Variants in NUP37 observed in about 807,000 individuals in gnomAD.
The protein encoded by NUP37 is nucleoporin 37.
Under a neutral mutation model 45.4 loss-of-function variants are expected in NUP37, and 33 were observed. The observed-to-expected ratio is 0.73, with a 90% CI of 0.55 to 0.97. The LOEUF is 0.97. Ranked by LOEUF, NUP37 falls within the 50% of genes least tolerant of loss-of-function variation. The pLI, the probability that NUP37 is intolerant of heterozygous loss-of-function variation, is 0.00. For synonymous variants in NUP37, 127 were observed against 130.7 expected, an observed-to-expected ratio of 0.97 and a Z score of 0.19; for missense variants, 365 against 389.7, an observed-to-expected ratio of 0.94 and a Z score of 0.53.
chr12:102,115,828 A>G, intron 2 of NUP37: 1 of 982,356 alleles, frequency 1.0e-6, no homozygotes, highest in Non-Finnish European at 1.2e-6. Context: ...TCTCAAGACA[A>G]GAGGCATGAA....
chr12:102,116,968 C>T (rs926209789), intron 2 of NUP37, among the ~76,000 whole-genome samples: 4 of 152,188 alleles, frequency 2.6e-5, no homozygotes, highest in Admixed American at 2.6e-4. Context: ...CACCACTGCA[C>T]TCCAGCCTGG....
At chr12:102,074,930 T>C (rs1879126097) in intron 9 of NUP37, 71 bp downstream of exon 9, 1 of 872,234 alleles carries the variant, frequency 1.1e-6, no homozygotes, top group South Asian at 2.2e-5. Context: ...TTTGGGGCTA[T>C]GAGTGGAAAA....
At position 102,075,044 on chromosome 12, in the gene NUP37, T is replaced by G; in HGVS notation, c.824A>C (p.Lys275Thr). The G allele has an allele frequency of 1.2e-6, 2 of 1,611,330 alleles. No homozygotes were observed. Among genetic ancestry groups the G allele is most frequent in the South Asian group, 2.2e-5 (2 of 90,680 alleles). The change falls in exon 9 of 10, where the codon AAA becomes ACA. Residue 275 changes from lysine (K) to threonine (T), a missense_variant. By Grantham distance (78) the Lys-to-Thr change is moderately conservative. Transcript: ENST00000552283. ...ATGAATTTGAAACTGGCTTGCCATT[T>G]TGCCAGGATAACCAGTGGTTGCAAA... is the stretch of plus-strand genomic sequence containing the variant. ...NLFATTGYPG[K>T]MASQFQIHHL... is the part of the protein sequence containing the mutation.
At chr12:102,091,047 C>G (rs182619200) in intron 5 of NUP37, among the ~76,000 whole-genome samples, 1 of 152,092 alleles carries the variant, frequency 6.6e-6, no homozygotes, top group Non-Finnish European at 1.5e-5. Flanking sequence ...TCAGTTATAA[C>G]CACAGAAGCA....
intron 2 of NUP37, among the ~76,000 whole-genome samples, chr12:102,113,113 A>C (rs996117072): frequency 6.6e-6 from 1 of 152,226 alleles, no homozygotes; most frequent in African/African-American, 2.4e-5. Context: ...TCCCATTACA[A>C]CATTGCAAAA....
intron 6 of NUP37, chr12:102,079,318 A>C (rs569939798): frequency 5.6e-5 from 25 of 445,468 alleles, no homozygotes; most frequent in African/African-American, 4.6e-4. Context: ...TAAACACATA[A>C]AACATCATTT....
At position 102,076,821 on chromosome 12, in the gene NUP37, T is replaced by C. The variant is rs763306109; in HGVS notation, c.749A>G (p.His250Arg). The C allele has an allele frequency of 5.6e-6, 9 of 1,613,384 alleles. No individual in the cohort carries two copies. The Middle Eastern group carries it at 1.2e-3, about 206-fold the overall frequency. Residue 250 changes from histidine to arginine, a missense_variant, in exon 8 of 10, where the codon CAC becomes CGC. Transcript: ENST00000552283. ...CCTGAATAAGCAGGCTCGATCCATG[T>C]GAACAGGTCTCTTATTTTGAGGATA... is the stretch of plus-strand genomic sequence containing the variant. ...SSYPQNKRPV[H>R]MDRACLFRWS...
At chr12:102,100,486 A>T (rs1193691814) in intron 4 of NUP37, among the ~76,000 whole-genome samples, 1 of 152,220 alleles carries the variant, frequency 6.6e-6, no homozygotes, top group Admixed American at 6.5e-5. Context: ...TTGCTCAGTC[A>T]ATGCTCATAA....
chr12:102,089,418 TTCCTCACTTCCGAGGCAC>T (rs1879576816), intron 5 of NUP37, among the ~76,000 whole-genome samples: 1 of 90,960 alleles, frequency 1.1e-5, no homozygotes, highest in Non-Finnish European at 2.2e-5. Flanking sequence ...GGCAGAGGCG[TTCCTCACTTCCGAGGCAC>T]TCCTCACTTC....
rs1331897578 is a variant in NUP37, at chr12:102,085,795, C to G, written c.511G>C (p.Val171Leu). 1 of 1,595,308 alleles carries G rather than the reference C, an allele frequency of 6.3e-7. No individual in the cohort carries two copies. Among genetic ancestry groups the G allele is most frequent in the South Asian group, 1.1e-5 (1 of 89,814 alleles). ...AAAGTCTCCTCAGGATGCCAGCACA[C>G]ACTCATGCCAGGAGAATGAAGAACA... ...HFVLHSPGMS[V>L]CWHPEETFKL... The change falls in exon 6 of 10, where the codon GTG becomes CTG. Residue 171 changes from valine (V) to leucine (L), a missense_variant. Coordinates refer to ENST00000552283, the MANE Select transcript of NUP37 (RefSeq NM_024057.4).
chr12:102,095,891 T>C (rs995468750), intron 5 of NUP37, among the ~76,000 whole-genome samples: 3 of 152,078 alleles, frequency 2.0e-5, no homozygotes, highest in African/African-American at 4.8e-5. Context: ...ATTTACATTA[T>C]ACTCTACACA....
intron 3 of NUP37, among the ~76,000 whole-genome samples, chr12:102,109,501 ATTC>A (rs1020012536): frequency 6.6e-6 from 1 of 152,164 alleles, no homozygotes; most frequent in African/African-American, 2.4e-5. Context: ...TATAGGTGGC[ATTC>A]TTCTCCTTAT....
intron 5 of NUP37, among the ~76,000 whole-genome samples, chr12:102,097,651 G>C (rs1203507682): frequency 6.6e-6 from 1 of 152,136 alleles, no homozygotes; most frequent in African/African-American, 2.4e-5. Context: ...TCCTTGGCTT[G>C]CAAAGACACT....
intron 6 of NUP37, among the ~76,000 whole-genome samples, chr12:102,078,159 C>T (rs562150691): frequency 1.0e-4 from 15 of 149,342 alleles, no homozygotes; most frequent in African/African-American, 3.5e-4. Flanking sequence ...GAAACCCCGT[C>T]TCTACTAAAA....
At chr12:102,074,612 T>C in intron 9 of NUP37, 145 bp from the exon 10 acceptor site, 1 of 582,882 alleles carries the variant, frequency 1.7e-6, no homozygotes, top group Non-Finnish European at 3.0e-6. Context: ...ACAGGTGAAA[T>C]ACACATTATT....
intron 6 of NUP37, among the ~76,000 whole-genome samples, chr12:102,078,342 G>A (rs1879239505): frequency 1.3e-5 from 2 of 151,098 alleles, no homozygotes. Context: ...AAAAAAAAAA[G>A]ATTTTGAGAT....
intron 1 of NUP37, chr12:102,119,416 A>T (rs1880657047): frequency 6.6e-6 from 1 of 152,204 alleles, no homozygotes; most frequent in Non-Finnish European, 1.5e-5. Flanking sequence ...TTAAAAATTA[A>T]AATAATAATA....
intron 6 of NUP37, among the ~76,000 whole-genome samples, chr12:102,080,113 A>G (rs1482379698): frequency 6.6e-6 from 1 of 152,254 alleles, no homozygotes; most frequent in African/African-American, 2.4e-5. Flanking sequence ...CTTGATCTCA[A>G]GAAACTTTCT....
chr12:102,090,859 T>C (rs1443544768), intron 5 of NUP37, among the ~76,000 whole-genome samples: 1 of 152,200 alleles, frequency 6.6e-6, no homozygotes, highest in Non-Finnish European at 1.5e-5. Context: ...GGTTGTATAT[T>C]AAAATAAGGC....
Sources: allele counts gnomAD v4.1 joint callset (sites outside exome capture counted in the v4.1 genomes callset), GRCh38; gene constraint gnomAD v4.1.1; transcripts MANE v1.5; gene names NCBI Gene and HGNC (gene_info 2026-07-23, HGNC 2026-07-21).